Variants in ATRNL1 observed in about 807,000 individuals in gnomAD.
The protein encoded by ATRNL1 is attractin-like protein 1.
A neutral mutation model predicts 182.7 loss-of-function variants in ATRNL1; 95 were observed. That is an observed-to-expected ratio of 0.52 (90% confidence interval 0.44 to 0.62). The LOEUF (loss-of-function observed/expected upper bound fraction) is 0.62. Among genes scored for constraint, ATRNL1 ranks in the 20% least tolerant of loss-of-function variants. The pLI is 0.00. For synonymous variants in ATRNL1, 576 were observed against 568.3 expected (o/e 1.01, Z -0.19); for missense variants, 1,471 against 1,679.5 (o/e 0.88, Z 2.17).
intron 27 of ATRNL1, among the ~76,000 whole-genome samples, chr10:115,831,135 G>A (rs74516298): frequency 0.017 from 2,583 of 152,148 alleles, 87 homozygotes; most frequent in African/African-American, 0.06. Context: ...CCAGAAACAC[G>A]GATGGGCTGG....
chr10:115,736,658 G>A (rs2960654), intron 27 of ATRNL1, among the ~76,000 whole-genome samples: 1 of 152,204 alleles, frequency 6.6e-6, no homozygotes, highest in South Asian at 2.1e-4. Context: ...ATGCTTTCCT[G>A]CATAGAGGAT....
intron 28 of ATRNL1, among the ~76,000 whole-genome samples, chr10:115,906,034 A>G (rs1297378914): frequency 6.6e-6 from 1 of 152,172 alleles, no homozygotes; most frequent in African/African-American, 2.4e-5. Flanking sequence ...AAAAAAATAA[A>G]TCAAGCTCTG....
chr10:115,770,773 T>C (rs1555076182), intron 27 of ATRNL1, among the ~76,000 whole-genome samples: 1 of 152,158 alleles, frequency 6.6e-6, no homozygotes, highest in Non-Finnish European at 1.5e-5. Context: ...GAATAAAACC[T>C]TAATAAAACC....
At chr10:115,388,265 T>G (rs1843775064) in intron 19 of ATRNL1, among the ~76,000 whole-genome samples, 1 of 152,176 alleles carries the variant, frequency 6.6e-6, no homozygotes, top group African/African-American at 2.4e-5. Flanking sequence ...ATTTGTCTCC[T>G]TACTCCTTAT....
At chr10:115,889,107 T>G (rs1555110501) in intron 28 of ATRNL1, among the ~76,000 whole-genome samples, 1 of 152,150 alleles carries the variant, frequency 6.6e-6, no homozygotes, top group Admixed American at 6.5e-5. Flanking sequence ...CTCTCCCATA[T>G]TTGCCAATTA....
intron 27 of ATRNL1, among the ~76,000 whole-genome samples, chr10:115,753,684 CATACCCAGTAA>C (rs2134126748): frequency 6.6e-6 from 1 of 152,186 alleles, no homozygotes; most frequent in East Asian, 1.9e-4. Context: ...CCTTTGGGTA[CATACCCAGTAA>C]TGGGATTGCT....
intron 28 of ATRNL1, among the ~76,000 whole-genome samples, chr10:115,878,847 TTACCTCCTG>T (rs1235681720): frequency 1.3e-5 from 2 of 152,120 alleles, no homozygotes; most frequent in Admixed American, 1.3e-4. Flanking sequence ...GTAGAAAAAT[TTACCTCCTG>T]ACCCCCTAAA....
intron 1 of ATRNL1, among the ~76,000 whole-genome samples, chr10:115,116,421 T>C (rs990564428): frequency 1.3e-5 from 2 of 152,058 alleles, no homozygotes; most frequent in African/African-American, 4.8e-5. Context: ...AATTGGAATG[T>C]AAGGGTATTA....
chr10:115,210,307 T>A (rs1367255305), intron 8 of ATRNL1, among the ~76,000 whole-genome samples: 1 of 151,974 alleles, frequency 6.6e-6, no homozygotes, highest in Non-Finnish European at 1.5e-5. Context: ...TATAATCCTA[T>A]GATCTTACTT....
At chr10:115,104,400 T>A (rs1269383960) in intron 1 of ATRNL1, among the ~76,000 whole-genome samples, 9 of 152,218 alleles carry the variant, frequency 5.9e-5, no homozygotes, top group African/African-American at 2.2e-4. Flanking sequence ...TTAGATTTTT[T>A]TTCTTACAGC....
At chr10:115,733,084 T>C (rs1947847574) in intron 27 of ATRNL1, among the ~76,000 whole-genome samples, 3 of 152,206 alleles carry the variant, frequency 2.0e-5, no homozygotes. Context: ...TGTAGTTTTG[T>C]TATGCTAATA....
chr10:115,116,676 C>T (rs1844500236), intron 1 of ATRNL1, among the ~76,000 whole-genome samples: 1 of 152,010 alleles, frequency 6.6e-6, no homozygotes, highest in South Asian at 2.1e-4. Flanking sequence ...GAGATTTCTC[C>T]CCTTTACGCA....
intron 10 of ATRNL1, among the ~76,000 whole-genome samples, chr10:115,250,552 T>G (rs1445441157): frequency 6.6e-6 from 1 of 152,194 alleles, no homozygotes; most frequent in Non-Finnish European, 1.5e-5. Flanking sequence ...GCTGGCAGCC[T>G]TTAATGTCTT....
At chr10:115,905,371 C>T (rs1393172342) in intron 28 of ATRNL1, among the ~76,000 whole-genome samples, 1 of 150,064 alleles carries the variant, frequency 6.7e-6, no homozygotes, top group African/African-American at 2.5e-5. Context: ...TATGCCTATA[C>T]CACCACACCC....
At chr10:115,730,068 C>T (rs1293089141) in intron 27 of ATRNL1, among the ~76,000 whole-genome samples, 5 of 151,422 alleles carry the variant, frequency 3.3e-5, no homozygotes, top group Non-Finnish European at 7.4e-5. Flanking sequence ...ACCTGTCTGG[C>T]CAATATGGTG....
intron 11 of ATRNL1, among the ~76,000 whole-genome samples, chr10:115,266,320 G>T (rs1234643221): frequency 6.6e-6 from 1 of 151,560 alleles, no homozygotes; most frequent in Admixed American, 6.6e-5. Context: ...GAAGAACTCG[G>T]TATCTAATTT....
chr10:115,167,555 C>T (rs899245057), intron 7 of ATRNL1, among the ~76,000 whole-genome samples: 23 of 151,844 alleles, frequency 1.5e-4, no homozygotes, highest in African/African-American at 5.3e-4. Context: ...TTTGAATCAA[C>T]AAAATTTCAT....
intron 20 of ATRNL1, among the ~76,000 whole-genome samples, chr10:115,422,833 TAAA>T (rs782818060): frequency 7.2e-5 from 11 of 152,022 alleles, no homozygotes; most frequent in Non-Finnish European, 1.0e-4. Flanking sequence ...CATACGAACA[TAAA>T]GAAGGGAACA....
intron 25 of ATRNL1, among the ~76,000 whole-genome samples, chr10:115,532,462 T>C (rs1315885270): frequency 1.3e-5 from 2 of 152,208 alleles, no homozygotes; most frequent in Non-Finnish European, 2.9e-5. Flanking sequence ...TTGTGATTTT[T>C]GTACATTGAT....
Sources: gnomAD v4.1 joint callset for allele counts (sites outside exome capture counted in the v4.1 genomes callset) on GRCh38, gnomAD v4.1.1 for gene constraint, MANE v1.5 for transcripts, NCBI Gene and HGNC (gene_info 2026-07-23, HGNC 2026-07-21) for gene names.